The following UXS1 variants were observed in gnomAD, a reference collection of about 807,000 sequenced individuals.
UXS1 encodes the protein UDP-glucuronate decarboxylase 1.
Under a neutral mutation model 62.6 loss-of-function variants are expected in UXS1, and 33 were observed. The ratio of observed to expected loss-of-function variants is 0.53; its 90% CI spans 0.40 to 0.70. The LOEUF is 0.70. Among genes scored for constraint, UXS1 ranks in the 30% least tolerant of loss-of-function variants. UXS1 has a pLI of 0.00. For missense variants in UXS1, 434 were observed against 556.3 expected (o/e 0.78, Z 2.21); for synonymous variants, 213 against 206.8 (o/e 1.03, Z -0.26).
Position 106,194,269 on chromosome 2 carries a change from C to T in UXS1, c.-28G>A. The T allele has an allele frequency of 5.3e-6, 7 of 1,312,866 alleles. No individual in the cohort carries two copies. Among genetic ancestry groups the T allele is most frequent in the African/African-American group, 1.6e-5 (1 of 64,132 alleles). 81.3% of individuals were successfully genotyped at this position (1,312,866 alleles called of 1,614,324 possible). ...CCGGGAGCCGCGCGGGTCCAGGGCC[C>T]TACCGCGCGGGGGCCCGCCTGCTGC... On this transcript the variant is annotated 5_prime_UTR_variant, in exon 1 of 15. Transcript: ENST00000283148.
chr2:106,191,644 A>T (rs1234118782), intron 1 of UXS1, among the ~76,000 whole-genome samples: 1 of 152,134 alleles, frequency 6.6e-6, no homozygotes, highest in East Asian at 1.9e-4. Context: ...TTTTGTTTTC[A>T]CACTCCAACA....
intron 9 of UXS1, among the ~76,000 whole-genome samples, chr2:106,113,258 G>C (rs1321749477): frequency 6.6e-6 from 1 of 151,266 alleles, no homozygotes; most frequent in Non-Finnish European, 1.5e-5. Context: ...ACACAGAAAC[G>C]TTCTTACTGA....
At chr2:106,168,415 A>G (rs1161680257) in intron 1 of UXS1, among the ~76,000 whole-genome samples, 2 of 152,176 alleles carry the variant, frequency 1.3e-5, no homozygotes, top group Non-Finnish European at 2.9e-5. Context: ...TAACCATAAA[A>G]ATGGGCAATC....
At chr2:106,122,450 C>A (rs989254961) in intron 9 of UXS1, among the ~76,000 whole-genome samples, 1 of 152,218 alleles carries the variant, frequency 6.6e-6, no homozygotes, top group Admixed American at 6.5e-5. Flanking sequence ...CAACCTCGGC[C>A]TCTTGGTCTG....
chr2:106,125,315 A>G (rs1679842088), intron 8 of UXS1, among the ~76,000 whole-genome samples: 1 of 152,224 alleles, frequency 6.6e-6, no homozygotes, highest in Non-Finnish European at 1.5e-5. Flanking sequence ...GTAAAAAGAT[A>G]GTGTGATTTG....
intron 14 of UXS1, among the ~76,000 whole-genome samples, chr2:106,094,913 C>A (rs950020689): frequency 6.6e-6 from 1 of 152,226 alleles, no homozygotes; most frequent in Non-Finnish European, 1.5e-5. Context: ...CAAATTGTAT[C>A]TTCTAAATAT....
intron 10 of UXS1, among the ~76,000 whole-genome samples, chr2:106,109,095 T>C (rs1306347543): frequency 6.6e-6 from 1 of 151,970 alleles, no homozygotes; most frequent in Non-Finnish European, 1.5e-5. Flanking sequence ...TCTTAATAAT[T>C]TTCCATCCAC....
intron 1 of UXS1, among the ~76,000 whole-genome samples, chr2:106,192,404 A>C (rs1453516584): frequency 6.6e-6 from 1 of 152,126 alleles, no homozygotes; most frequent in Non-Finnish European, 1.5e-5. Flanking sequence ...AATACAAAAA[A>C]TTAGCCGGGC....
At chr2:106,099,001 C>T (rs1677365095) in intron 12 of UXS1, among the ~76,000 whole-genome samples, 1 of 152,222 alleles carries the variant, frequency 6.6e-6, no homozygotes, top group Non-Finnish European at 1.5e-5. Flanking sequence ...CTGCTGTGTA[C>T]AAGGCTGGGC....
In UXS1 at chr2:106,194,252, C is replaced by T; in HGVS notation, c.-11G>A. The T allele has an allele frequency of 7.1e-7, 1 of 1,408,436 alleles. No homozygotes were observed. The highest frequency in any genetic ancestry group is 9.3e-7 in the Non-Finnish European group (1 of 1,071,930). The allele number at this position is 1,408,436 out of a possible 1,614,324, so 87.2% of individuals were successfully genotyped here. A position where few individuals can be genotyped will look rare whatever the true frequency, so the allele number is the denominator to read the frequency against. On this transcript the variant is annotated 5_prime_UTR_variant, in exon 1 of 15. Coordinates refer to ENST00000283148, the MANE Select transcript of UXS1 (RefSeq NM_001253875.2). ...CGCCTTGCTCACCATCCCCGGGAGC[C>T]GCGCGGGTCCAGGGCCCTACCGCGC...
At chr2:106,138,063 T>C (rs911786601) in intron 6 of UXS1, 2 of 472,856 alleles carry the variant, frequency 4.2e-6, no homozygotes, top group African/African-American at 2.1e-5. Flanking sequence ...GGTGACAAGG[T>C]ATGCAGGGAA....
At chr2:106,154,870 C>T (rs1176904266) in intron 5 of UXS1, among the ~76,000 whole-genome samples, 1 of 152,170 alleles carries the variant, frequency 6.6e-6, no homozygotes, top group African/African-American at 2.4e-5. Context: ...ATACCTGAAG[C>T]TGGGTGATTT....
chr2:106,105,394 G>A (rs1677971950), intron 10 of UXS1, among the ~76,000 whole-genome samples: 1 of 67,136 alleles, frequency 1.5e-5, no homozygotes, highest in Admixed American at 1.3e-4. Context: ...TGCGGAGGTG[G>A]CAGGAGGAGG....
intron 10 of UXS1, among the ~76,000 whole-genome samples, chr2:106,107,255 G>C (rs1404527598): frequency 6.6e-6 from 1 of 152,188 alleles, no homozygotes; most frequent in East Asian, 1.9e-4. Context: ...TCACCAGTCT[G>C]CTAGTGCATT....
At chr2:106,146,548 A>G (rs971574576) in intron 5 of UXS1, among the ~76,000 whole-genome samples, 2 of 151,708 alleles carry the variant, frequency 1.3e-5, no homozygotes, top group African/African-American at 4.8e-5. Flanking sequence ...GGAGGCCGAG[A>G]CAGGTGGATC....
chr2:106,097,907 C>T (rs193211657), intron 13 of UXS1, among the ~76,000 whole-genome samples: 279 of 152,348 alleles, frequency 1.8e-3, no homozygotes, highest in Non-Finnish European at 3.2e-3. Context: ...CTTCTACTGC[C>T]ACGAGCAACG....
At chr2:106,147,014 G>A (rs568589920) in intron 5 of UXS1, among the ~76,000 whole-genome samples, 120 of 152,006 alleles carry the variant, frequency 7.9e-4, no homozygotes, top group African/African-American at 2.8e-3. Flanking sequence ...TTAGCTACAC[G>A]CCTGTAATCC....
rs558190010 is a variant in UXS1 at position 106,097,447 on chromosome 2, G to A, written c.1043-626C>T. The A allele has an allele frequency of 8.6e-6, 3 of 347,998 alleles. No individual in the cohort carries two copies. The East Asian group carries it at 2.2e-4, about 26-fold the overall frequency. 21.6% of individuals were successfully genotyped at this position (347,998 alleles called of 1,614,324 possible). On this transcript the variant is annotated intron_variant, in intron 13 of 14. Coordinates refer to ENST00000283148, the MANE Select transcript of UXS1 (RefSeq NM_001253875.2). ...CTGTGGAGGCTTTCCCTGCCTCCGT[G>A]TCATGGAGGCCACATTGCAGACTCT...
chr2:106,156,901 G>T (rs1682477862), intron 5 of UXS1, among the ~76,000 whole-genome samples: 1 of 152,118 alleles, frequency 6.6e-6, no homozygotes, highest in Admixed American at 6.5e-5. Flanking sequence ...TCATATAACA[G>T]ATTATTTGGT....
Sources: gnomAD v4.1 joint callset for allele counts (sites outside exome capture counted in the v4.1 genomes callset) on GRCh38, gnomAD v4.1.1 for gene constraint, MANE v1.5 for transcripts, NCBI Gene and HGNC (gene_info 2026-07-23, HGNC 2026-07-21) for gene names.